The following RFPL1 variants were observed in gnomAD, a reference collection of about 807,000 sequenced individuals.
RFPL1 encodes ret finger protein-like 1.
Under a neutral mutation model 9.6 loss-of-function variants are expected in RFPL1, and 6 were observed. The observed-to-expected ratio is 0.62, with a 90% CI of 0.34 to 1.23. The LOEUF is 1.23. RFPL1 is among the 50% of genes most tolerant of loss of function. RFPL1 has a pLI of 0.03. For synonymous variants in RFPL1, 145 were observed against 149.4 expected, an observed-to-expected ratio of 0.97 and a Z score of 0.22; for missense variants, 352 against 398.4, an observed-to-expected ratio of 0.88 and a Z score of 0.99.
At chr22:29,415,646 C>G in the RFPL1 span, among the ~76,000 whole-genome samples, 1 of 152,248 alleles carries the variant, frequency 6.6e-6, no homozygotes, top group Non-Finnish European at 1.5e-5. Context: ...CCGGGTTAAA[C>G]AAGGAAGAGG....
the RFPL1 span, among the ~76,000 whole-genome samples, chr22:29,425,940 A>G: frequency 6.6e-6 from 1 of 152,086 alleles, no homozygotes. Context: ...GTTATGATGT[A>G]TTTTTTGTCC....
the RFPL1 span, among the ~76,000 whole-genome samples, chr22:29,417,861 G>T: frequency 1.3e-5 from 2 of 152,034 alleles, no homozygotes; most frequent in Non-Finnish European, 1.5e-5. Context: ...GGGAACAGAG[G>T]CAAATGCTTT....
chr22:29,420,904 G>A, the RFPL1 span, among the ~76,000 whole-genome samples: 1 of 152,032 alleles, frequency 6.6e-6, no homozygotes, highest in Non-Finnish European at 1.5e-5. Flanking sequence ...GCCTCCCAAA[G>A]TGCTGGGATT....
At chr22:29,398,281 T>G in the RFPL1 span, among the ~76,000 whole-genome samples, 1,375 of 152,318 alleles carry the variant, frequency 9.0e-3, 19 homozygotes, top group African/African-American at 0.031. Context: ...ACAAGGGGAC[T>G]GGACTGGATG....
chr22:29,415,076 A>T, the RFPL1 span, among the ~76,000 whole-genome samples: 1 of 152,022 alleles, frequency 6.6e-6, no homozygotes, highest in African/African-American at 2.4e-5. Context: ...CCAAAACCAA[A>T]ACCAAAGTGC....
the RFPL1 span, among the ~76,000 whole-genome samples, chr22:29,422,895 A>G: frequency 6.6e-6 from 1 of 152,080 alleles, no homozygotes; most frequent in African/African-American, 2.4e-5. Context: ...AAACATAATT[A>G]TTTTAGCACT....
At chr22:29,422,046 A>G in the RFPL1 span, among the ~76,000 whole-genome samples, 1 of 152,226 alleles carries the variant, frequency 6.6e-6, no homozygotes, top group Non-Finnish European at 1.5e-5. Flanking sequence ...GGAAGGAAGG[A>G]GGGAGGAAGG....
chr22:29,410,603 A>ATTG, the RFPL1 span, among the ~76,000 whole-genome samples: 15 of 99,248 alleles, frequency 1.5e-4, no homozygotes, highest in African/African-American at 6.0e-4. Flanking sequence ...ATAGATATAT[A>ATTG]TAGATATATC....
At chr22:29,398,710 C>T in the RFPL1 span, among the ~76,000 whole-genome samples, 1 of 152,220 alleles carries the variant, frequency 6.6e-6, no homozygotes, top group Non-Finnish European at 1.5e-5. Context: ...ACACCGTAGT[C>T]ATCAATCATT....
chr22:29,411,491 T>C, the RFPL1 span, among the ~76,000 whole-genome samples: 1 of 85,894 alleles, frequency 1.2e-5, no homozygotes, highest in Non-Finnish European at 2.0e-5. Context: ...CTTTCTGCCC[T>C]AGTAGGATTC....
chr22:29,416,134 C>G, the RFPL1 span, among the ~76,000 whole-genome samples: 33 of 152,328 alleles, frequency 2.2e-4, no homozygotes, highest in Non-Finnish European at 4.3e-4. Flanking sequence ...AAACGCCCTC[C>G]CAGGAGCTCA....
upstream of RFPL1, among the ~76,000 whole-genome samples, chr22:29,434,001 T>TCACACA (rs3216870): frequency 4.0e-5 from 6 of 149,016 alleles, no homozygotes; most frequent in African/African-American, 1.2e-4. Flanking sequence ...TGACACACAC[T>TCACACA]CACACACACA....
At chr22:29,415,873 C>T in the RFPL1 span, among the ~76,000 whole-genome samples, 4 of 152,220 alleles carry the variant, frequency 2.6e-5, no homozygotes, top group East Asian at 5.8e-4. Context: ...ATAGCACAAG[C>T]GATTAGGGTG....
At chr22:29,429,955 GTC>G in the RFPL1 span, among the ~76,000 whole-genome samples, 102 of 150,368 alleles carry the variant, frequency 6.8e-4, no homozygotes, top group African/African-American at 2.3e-3. Flanking sequence ...AATCTCTCCG[GTC>G]TCTCTTTTAT....
chr22:29,415,022 G>A, the RFPL1 span, among the ~76,000 whole-genome samples: 2 of 152,050 alleles, frequency 1.3e-5, no homozygotes, highest in African/African-American at 4.8e-5. Flanking sequence ...GCAGATAAAG[G>A]CACGCCCGTT....
chr22:29,414,086 CT>C, the RFPL1 span, among the ~76,000 whole-genome samples: 1 of 152,140 alleles, frequency 6.6e-6, no homozygotes, highest in African/African-American at 2.4e-5. Flanking sequence ...TTTTCTAACA[CT>C]TTTTTTCATG....
the RFPL1 span, among the ~76,000 whole-genome samples, chr22:29,418,555 A>T: frequency 1.8e-3 from 247 of 136,054 alleles, no homozygotes; most frequent in African/African-American, 6.1e-3. Context: ...GCTGGACTGC[A>T]GTGGCACAAT....
At chr22:29,437,650 C>G (rs174718), upstream of RFPL1, 1,332,350 of 1,591,946 alleles carry the variant, frequency 0.84, 558,625 homozygotes, top group East Asian at 0.97. Context: ...ACCAATAAAA[C>G]GCCCTCATGT....
the RFPL1 span, among the ~76,000 whole-genome samples, chr22:29,418,938 G>C: frequency 1.3e-5 from 2 of 152,182 alleles, no homozygotes; most frequent in African/African-American, 4.8e-5. Context: ...ACCTACTCCA[G>C]TTAACTCACT....
Sources: gnomAD v4.1 joint callset for allele counts (sites outside exome capture counted in the v4.1 genomes callset) on GRCh38, gnomAD v4.1.1 for gene constraint, MANE v1.5 for transcripts, NCBI Gene and HGNC (gene_info 2026-07-23, HGNC 2026-07-21) for gene names.